DHX35: variants seen among roughly 807,000 people sequenced by gnomAD.
The protein encoded by DHX35 is DEAH-box helicase 35, also known as probable ATP-dependent RNA helicase DHX35.
DHX35 carries 84 observed loss-of-function variants against 99.6 expected under a neutral mutation model. The observed-to-expected ratio is 0.84, with a 90% CI of 0.71 to 1.01. The LOEUF is 1.01. DHX35 is among the 50% of genes least tolerant of loss of function. The pLI, the probability that DHX35 is intolerant of heterozygous loss-of-function variation, is 0.00. For synonymous variants in DHX35, 331 were observed against 316.2 expected (o/e 1.05, Z -0.50); for missense variants, 852 against 888.5 (o/e 0.96, Z 0.52).
At position 39,025,233 on chromosome 20, in the gene DHX35, A is replaced by C. The variant is rs755867151; in HGVS notation, c.1675A>C (p.Asn559His). 5 of 1,611,744 alleles carry C rather than the reference A, an allele frequency of 3.1e-6. No individual in the cohort carries two copies. The highest frequency in any genetic ancestry group is 3.4e-6 in the Non-Finnish European group (4 of 1,178,930). ...LNIYEAFIKH[N>H]KDSKWCQEHF... ...CTCTCTCTGGGTTGTTCTGTAGCAC[A>C]ATAAGGACTCTAAATGGTGTCAGGA... The change falls in exon 18 of 22, where the codon AAT (asparagine) becomes CAT (histidine). Residue 559 changes from asparagine (N) to histidine (H), a missense_variant. Physicochemically the swap from Asn to His is moderately conservative, Grantham distance 68 (BLOSUM62 1). Coordinates refer to ENST00000252011, the MANE Select transcript of DHX35 (RefSeq NM_021931.4).
At chr20:38,986,959 G>T (rs996725334) in intron 4 of DHX35, among the ~76,000 whole-genome samples, 3 of 152,202 alleles carry the variant, frequency 2.0e-5, no homozygotes, top group Non-Finnish European at 4.4e-5. Flanking sequence ...GAAGCTGAGG[G>T]CAGGGAGCCT....
intron 14 of DHX35, among the ~76,000 whole-genome samples, chr20:39,018,521 G>C (rs2086822217): frequency 6.6e-6 from 1 of 151,794 alleles, no homozygotes; most frequent in Non-Finnish European, 1.5e-5. Context: ...GGTACAAGCA[G>C]GAGAAGGCTG....
Position 38,994,833 on chromosome 20 carries a change from C to T in DHX35, c.595C>T (p.Arg199Ter), listed in dbSNP as rs769370949. The change falls in exon 8 of 22, where the codon CGA becomes TGA. Residue 199 changes from arginine to a stop codon, truncating the protein, a stop_gained. Coordinates refer to ENST00000252011, the MANE Select transcript of DHX35 (RefSeq NM_021931.4). LOFTEE classifies it high-confidence loss of function. ...TCTTCTTTTTTAGATTCAGAAAAAG[C>T]GAGGGGATCTTCGATTGATTGTAGC... ...IGLLKKIQKK[R>*]GDLRLIVASA... The T allele has an allele frequency of 3.1e-6, 5 of 1,613,192 alleles. No individual in the cohort carries two copies. The highest frequency in any genetic ancestry group is 1.7e-5 in the Admixed American group (1 of 59,958).
intron 21 of DHX35, among the ~76,000 whole-genome samples, chr20:39,034,777 T>C (rs1266392468): frequency 6.6e-6 from 1 of 150,476 alleles, no homozygotes; most frequent in African/African-American, 2.4e-5. Context: ...CTTTTTTCTT[T>C]TTTTTTTTTT....
At chr20:39,003,698 C>T (rs1407685918) in intron 10 of DHX35, 51 bp from the exon 11 acceptor site, 23 of 1,569,704 alleles carry the variant, frequency 1.5e-5, no homozygotes, top group Non-Finnish European at 1.7e-5. Context: ...GATAAAATAG[C>T]ATGCTTTAAA....
chr20:39,034,587 A>G (rs1240148756), intron 21 of DHX35, among the ~76,000 whole-genome samples: 1 of 143,546 alleles, frequency 7.0e-6, no homozygotes, highest in Non-Finnish European at 1.5e-5. Context: ...GCTCTTCCAA[A>G]CTATTTTTTT....
intron 9 of DHX35, among the ~76,000 whole-genome samples, chr20:39,002,302 C>T (rs998210621): frequency 6.6e-6 from 1 of 152,202 alleles, no homozygotes; most frequent in Non-Finnish European, 1.5e-5. Context: ...CAAAAAAAGA[C>T]CAGGAGCCTG....
At chr20:38,969,515 G>A (rs2085962115) in intron 2 of DHX35, among the ~76,000 whole-genome samples, 1 of 151,754 alleles carries the variant, frequency 6.6e-6, no homozygotes. Context: ...GAAAAGTAGA[G>A]AAAATAGCAG....
At chr20:39,021,978 T>TGGGA in intron 16 of DHX35, 43 bp downstream of exon 16, 1 of 1,596,032 alleles carries the variant, frequency 6.3e-7, no homozygotes, top group Non-Finnish European at 8.6e-7. Context: ...CAGTCTCTTT[T>TGGGA]GCTTTGAGCT....
rs376325353 is a variant in DHX35, at chr20:38,992,443, G to T, written c.582+18G>T. On this transcript the variant is annotated intron_variant, in intron 7 of 21. Coordinates refer to ENST00000252011, the MANE Select transcript of DHX35 (RefSeq NM_021931.4). ...TAAAAAAGGTATGACTTCACTGCCA[G>T]CTTTTCATTGTGTGTGTTTATTTTA... is the stretch of plus-strand genomic sequence containing the variant. 6.2e-7 allele frequency: 1 copy of T among 1,612,846 alleles called. No individual in the cohort carries two copies. The highest frequency in any genetic ancestry group is 1.1e-5 in the South Asian group (1 of 91,028).
At chr20:38,993,866 T>C (rs931917053) in intron 7 of DHX35, among the ~76,000 whole-genome samples, 9 of 152,166 alleles carry the variant, frequency 5.9e-5, no homozygotes, top group African/African-American at 9.7e-5. Flanking sequence ...AAAAAACTTT[T>C]AGGTTGGTGC....
rs116128512 is a variant in DHX35 at position 39,025,421 on chromosome 20, A to G, written c.1801+62A>G. ...CTTCATTCTGTTGAGTTGTCTTCCT[A>G]AAGTTCTCATGCTGGGCTGGTGCGA... On this transcript the variant is annotated intron_variant, in intron 18 of 21. Coordinates refer to ENST00000252011, the MANE Select transcript of DHX35 (RefSeq NM_021931.4). The G allele has an allele frequency of 3.7e-4, 585 of 1,585,292 alleles. 1 individual carries two copies. The African/African-American group carries it at 7.2e-3, about 19-fold the overall frequency.
At chr20:39,023,039 T>G (rs890182993) in intron 16 of DHX35, among the ~76,000 whole-genome samples, 1 of 152,332 alleles carries the variant, frequency 6.6e-6, no homozygotes, top group East Asian at 1.9e-4. Flanking sequence ...TTTTTCTGCC[T>G]CTGTGCCCAG....
intron 20 of DHX35, among the ~76,000 whole-genome samples, chr20:39,032,478 G>A (rs2087072073): frequency 6.6e-6 from 1 of 152,100 alleles, no homozygotes; most frequent in South Asian, 2.1e-4. Flanking sequence ...GGCCCAGATT[G>A]GAAATTTTAA....
intron 21 of DHX35, among the ~76,000 whole-genome samples, chr20:39,037,927 A>G (rs557997282): frequency 0.029 from 3,082 of 105,746 alleles, 117 homozygotes; most frequent in African/African-American, 0.12. Context: ...TTTCTGGGGA[A>G]AAAAAAAAGT....
At chr20:39,001,317 C>T (rs1363788645) in intron 8 of DHX35, among the ~76,000 whole-genome samples, 1 of 152,168 alleles carries the variant, frequency 6.6e-6, no homozygotes, top group East Asian at 1.9e-4. Context: ...ATGATCATAT[C>T]TGTGTTTTCC....
chr20:38,972,691 G>A, intron 3 of DHX35, 40 bp downstream of exon 3: 1 of 1,438,464 alleles, frequency 7.0e-7, no homozygotes, highest in Non-Finnish European at 9.7e-7. Flanking sequence ...ACTTCGATTT[G>A]GCTGGAAGAA....
chr20:38,966,126 A>T (rs1416626111), intron 1 of DHX35, among the ~76,000 whole-genome samples: 2 of 152,232 alleles, frequency 1.3e-5, no homozygotes, highest in Non-Finnish European at 2.9e-5. Context: ...TTTAAAAACC[A>T]AGTTAAAGGG....
chr20:39,020,245 A>G (rs969834261), intron 15 of DHX35, among the ~76,000 whole-genome samples: 2 of 152,212 alleles, frequency 1.3e-5, no homozygotes, highest in African/African-American at 4.8e-5. Context: ...TACCAGTTTC[A>G]GTTCCTTTGC....
Sources: allele counts gnomAD v4.1 joint callset (sites outside exome capture counted in the v4.1 genomes callset), GRCh38; gene constraint gnomAD v4.1.1; transcripts MANE v1.5; gene names NCBI Gene and HGNC (gene_info 2026-07-23, HGNC 2026-07-21).